OPCML: variants seen among roughly 807,000 people sequenced by gnomAD.
OPCML encodes the protein opioid-binding protein/cell adhesion molecule.
OPCML carries 13 observed loss-of-function variants against 37.8 expected under a neutral mutation model. That is an observed-to-expected ratio of 0.34 (90% CI 0.22 to 0.55). OPCML has a LOEUF of 0.55. Ranked by LOEUF, OPCML falls within the 20% of genes least tolerant of loss-of-function variation. The pLI is 0.91. For missense variants in OPCML, 341 were observed against 435.6 expected (o/e 0.78, Z 1.93); for synonymous variants, 176 against 168.8 (o/e 1.04, Z -0.33).
At chr11:133,227,152 C>T (rs1344897325) in intron 1 of OPCML, among the ~76,000 whole-genome samples, 1 of 152,144 alleles carries the variant, frequency 6.6e-6, no homozygotes, top group Non-Finnish European at 1.5e-5. Context: ...TGAGTGGATA[C>T]CAATGGCCCC....
At chr11:132,472,556 C>A (rs769327334) in intron 4 of OPCML, among the ~76,000 whole-genome samples, 1 of 152,236 alleles carries the variant, frequency 6.6e-6, no homozygotes, top group Non-Finnish European at 1.5e-5. Flanking sequence ...AAGACATTCT[C>A]TTCTGTAATT....
intron 1 of OPCML, among the ~76,000 whole-genome samples, chr11:133,352,025 A>G (rs745998732): frequency 4.6e-5 from 7 of 152,038 alleles, no homozygotes; most frequent in Non-Finnish European, 8.8e-5. Flanking sequence ...CTGTTTCTCA[A>G]TTGGGTTATT....
chr11:132,861,811 G>T (rs7934704), intron 2 of OPCML, among the ~76,000 whole-genome samples: 1 of 150,368 alleles, frequency 6.7e-6, no homozygotes, highest in South Asian at 2.1e-4. Flanking sequence ...CTCCAGCCTG[G>T]GCAACAGAGT....
intron 4 of OPCML, among the ~76,000 whole-genome samples, chr11:132,491,291 G>T (rs1008511696): frequency 3.3e-5 from 5 of 152,214 alleles, no homozygotes; most frequent in Admixed American, 3.3e-4. Context: ...AACACACTAA[G>T]AATAAAATCC....
chr11:132,878,247 T>G (rs187268917), intron 2 of OPCML, among the ~76,000 whole-genome samples: 67 of 152,334 alleles, frequency 4.4e-4, no homozygotes, highest in Non-Finnish European at 8.1e-4. Flanking sequence ...TTGTTACTTT[T>G]GTATGTCAAT....
In OPCML at chr11:132,821,133, A is replaced by G. The variant is rs149395559; in HGVS notation, c.146+121793T>C. ...ACTCTAGCATGCAAATGTATGTGTC[A>G]TAAGTAAGAGATTCATATGCATCTC... On this transcript the variant is annotated intron_variant, in intron 2 of 7. Coordinates refer to ENST00000524381, the MANE Select transcript of OPCML (RefSeq NM_001012393.5). 2.8e-3 allele frequency among the ~76,000 whole-genome samples: 432 copies of G among 152,330 alleles called. 1 individual carries two copies. Among genetic ancestry groups the G allele is most frequent in the Non-Finnish European group, 5.2e-3 (355 of 68,034 alleles).
chr11:132,428,001 A>T (rs1345253779), intron 7 of OPCML, among the ~76,000 whole-genome samples: 2 of 152,202 alleles, frequency 1.3e-5, no homozygotes, highest in Non-Finnish European at 2.9e-5. Context: ...TAAATTGTGG[A>T]GTTGAAAAAT....
At chr11:132,540,685 A>C (rs1214323396) in intron 3 of OPCML, among the ~76,000 whole-genome samples, 1 of 152,216 alleles carries the variant, frequency 6.6e-6, no homozygotes, top group East Asian at 1.9e-4. Flanking sequence ...ATGGTTCTGA[A>C]TAACACATAC....
Position 133,205,687 on chromosome 11 carries a change from A to T in OPCML, c.62-262677T>A, listed in dbSNP as rs1414593125. Reference sequence around the variant, plus strand: ...GAAGTGTTGCGTTGCGTGAGACAAGAGAGTAGGAAAAACATTTAGTATTTT... The same window carrying T: ...GAAGTGTTGCGTTGCGTGAGACAAGTGAGTAGGAAAAACATTTAGTATTTT... On this transcript the variant is annotated intron_variant, in intron 1 of 7. Transcript: ENST00000524381. This position sits in a 1 kb window ranked among gnomAD's most constrained non-coding sequence, Gnocchi z 4.8. 6.6e-6 allele frequency among the ~76,000 whole-genome samples: 1 copy of T among 152,240 alleles called. No homozygotes were observed. The highest frequency in any genetic ancestry group is 1.5e-5 in the Non-Finnish European group (1 of 68,052).
At chr11:133,046,152 T>A (rs1948010516) in intron 1 of OPCML, among the ~76,000 whole-genome samples, 1 of 152,156 alleles carries the variant, frequency 6.6e-6, no homozygotes, top group Admixed American at 6.5e-5. Flanking sequence ...GTTCTTGACT[T>A]GCTGTGTGTT....
At chr11:132,486,981 T>A (rs529287504) in intron 4 of OPCML, among the ~76,000 whole-genome samples, 11 of 152,344 alleles carry the variant, frequency 7.2e-5, no homozygotes, top group African/African-American at 2.6e-4. Flanking sequence ...TTAGTAAACA[T>A]TAATTATTAG....
At chr11:132,460,205 A>G (rs369764999) in intron 4 of OPCML, among the ~76,000 whole-genome samples, 14 of 150,344 alleles carry the variant, frequency 9.3e-5, no homozygotes, top group Middle Eastern at 3.2e-3. Context: ...GAATATTCTT[A>G]AGTTAAAGTG....
chr11:133,175,657 C>CTTTT (rs35382294), intron 1 of OPCML, among the ~76,000 whole-genome samples: 1 of 142,468 alleles, frequency 7.0e-6, no homozygotes, highest in Non-Finnish European at 1.5e-5. Flanking sequence ...AATTCACTGA[C>CTTTT]TTTTTTTTTT....
At chr11:132,591,794 C>A (rs1353336173) in intron 3 of OPCML, among the ~76,000 whole-genome samples, 7 of 152,176 alleles carry the variant, frequency 4.6e-5, no homozygotes, top group African/African-American at 1.7e-4. Flanking sequence ...ATCCCTGCAT[C>A]TCTGAGAAAT....
chr11:133,198,885 A>G (rs1938646439), intron 1 of OPCML, among the ~76,000 whole-genome samples: 1 of 152,202 alleles, frequency 6.6e-6, no homozygotes, highest in Non-Finnish European at 1.5e-5. Context: ...GTTTTCTTCT[A>G]ATACAGATAG....
At chr11:132,653,442 C>T (rs1489505520) in intron 3 of OPCML, among the ~76,000 whole-genome samples, 1 of 152,090 alleles carries the variant, frequency 6.6e-6, no homozygotes, top group African/African-American at 2.4e-5. Context: ...GGCTGATTTT[C>T]CCCCCAACTA....
intron 1 of OPCML, among the ~76,000 whole-genome samples, chr11:133,133,961 C>T (rs1949643552): frequency 6.6e-6 from 1 of 152,108 alleles, no homozygotes; most frequent in Non-Finnish European, 1.5e-5. Flanking sequence ...CGGGACAAAG[C>T]ACCTTACTAA....
intron 2 of OPCML, among the ~76,000 whole-genome samples, chr11:132,881,324 C>T (rs1362033682): frequency 6.6e-6 from 1 of 152,184 alleles, no homozygotes; most frequent in Non-Finnish European, 1.5e-5. Flanking sequence ...GAGCGCCACA[C>T]CTGGGAAGGG....
At position 133,222,236 on chromosome 11, in the gene OPCML, C is replaced by T. The variant is rs570667128; in HGVS notation, c.62-279226G>A. On this transcript the variant is annotated intron_variant, in intron 1 of 7. Coordinates refer to ENST00000524381, the MANE Select transcript of OPCML (RefSeq NM_001012393.5). ...CACCATGTGAAGGTGAGTGGAAGGG[C>T]ACCCTAAAGCTGCAGCCATACAGGC... Among the ~76,000 whole-genome samples the T allele has an allele frequency of 1.6e-3, 247 of 152,278 alleles. 1 individual carries two copies. Among genetic ancestry groups the T allele is most frequent in the African/African-American group, 5.7e-3 (236 of 41,560 alleles).
Sources: allele counts gnomAD v4.1 joint callset (sites outside exome capture counted in the v4.1 genomes callset), GRCh38; gene constraint gnomAD v4.1.1; non-coding constraint Gnocchi (gnomAD v3.1); transcripts MANE v1.5; gene names NCBI Gene and HGNC (gene_info 2026-07-23, HGNC 2026-07-21).